The following KIF6 variants were observed in gnomAD, a reference collection of about 807,000 sequenced individuals.
KIF6 encodes kinesin-like protein KIF6.
KIF6 carries 106 observed loss-of-function variants against 112.7 expected under a neutral mutation model. The ratio of observed to expected loss-of-function variants is 0.94; its 90% CI spans 0.80 to 1.11. KIF6 has a LOEUF of 1.11. Among genes scored for constraint, KIF6 ranks in the 50% least tolerant of loss-of-function variants. The pLI is 0.00. For synonymous variants in KIF6, 339 were observed against 339.9 expected (o/e 1.00, Z 0.03); for missense variants, 929 against 964.0 (o/e 0.96, Z 0.48).
chr6:39,524,726 T>C (rs1777605055), intron 13 of KIF6, among the ~76,000 whole-genome samples: 1 of 152,198 alleles, frequency 6.6e-6, no homozygotes, highest in East Asian at 1.9e-4. Context: ...ACTGAGGCTG[T>C]TGTCAGCTGG....
chr6:39,413,982 C>A (rs1403731043), intron 15 of KIF6, among the ~76,000 whole-genome samples: 1 of 152,180 alleles, frequency 6.6e-6, no homozygotes, highest in Non-Finnish European at 1.5e-5. Flanking sequence ...ACTTTTAAAT[C>A]ATCTCTTTAC....
intron 3 of KIF6, among the ~76,000 whole-genome samples, chr6:39,643,323 T>C (rs528070541): frequency 6.6e-6 from 1 of 152,268 alleles, no homozygotes; most frequent in Admixed American, 6.5e-5. Context: ...AATATTCTTA[T>C]AAAATTTATA....
At chr6:39,374,957 A>G (rs1050612102) in intron 16 of KIF6, among the ~76,000 whole-genome samples, 10 of 152,246 alleles carry the variant, frequency 6.6e-5, no homozygotes, top group African/African-American at 1.9e-4. Context: ...TAGCCACGAC[A>G]TTGAATCAAC....
chr6:39,454,290 T>G (rs1772890809), intron 13 of KIF6, among the ~76,000 whole-genome samples: 1 of 151,586 alleles, frequency 6.6e-6, no homozygotes, highest in Non-Finnish European at 1.5e-5. Context: ...ATGGAAAAGA[T>G]GAAAGAGAGA....
intron 15 of KIF6, among the ~76,000 whole-genome samples, chr6:39,395,170 A>G (rs1768169741): frequency 1.3e-5 from 2 of 152,246 alleles, no homozygotes; most frequent in African/African-American, 4.8e-5. Flanking sequence ...GGGCTACCCA[A>G]GTAATCAAAA....
At chr6:39,502,618 C>T (rs1253547609) in intron 13 of KIF6, among the ~76,000 whole-genome samples, 1 of 152,148 alleles carries the variant, frequency 6.6e-6, no homozygotes, top group East Asian at 1.9e-4. Context: ...TGCAAAGACA[C>T]ATGCAGGCTC....
intron 13 of KIF6, among the ~76,000 whole-genome samples, chr6:39,494,341 T>C (rs973915677): frequency 1.3e-5 from 2 of 152,210 alleles, no homozygotes; most frequent in African/African-American, 4.8e-5. Context: ...AAGAAGTAGA[T>C]ACATCCTCTT....
chr6:39,580,980 G>C (rs1781255702), intron 9 of KIF6, among the ~76,000 whole-genome samples: 1 of 151,876 alleles, frequency 6.6e-6, no homozygotes, highest in African/African-American at 2.4e-5. Context: ...GTTCATGATA[G>C]TACATGTCAT....
intron 10 of KIF6, among the ~76,000 whole-genome samples, chr6:39,551,436 G>A (rs1262189398): frequency 6.6e-6 from 1 of 152,068 alleles, no homozygotes; most frequent in Non-Finnish European, 1.5e-5. Flanking sequence ...TGGCACAATG[G>A]GGTGACTATA....
At chr6:39,468,944 G>A (rs988246820) in intron 13 of KIF6, among the ~76,000 whole-genome samples, 1 of 152,056 alleles carries the variant, frequency 6.6e-6, no homozygotes, top group African/African-American at 2.4e-5. Context: ...TAGCACAAAG[G>A]AGGGGGTGGA....
chr6:39,587,688 T>C (rs1274946111), intron 7 of KIF6, among the ~76,000 whole-genome samples: 2 of 152,154 alleles, frequency 1.3e-5, no homozygotes, highest in African/African-American at 4.8e-5. Context: ...GACTATCTCA[T>C]GTCTCCATCA....
rs780087857 is a variant in KIF6 at position 39,714,786 on chromosome 6, A to G, written c.177-20T>C. On this transcript the variant is annotated intron_variant, in intron 2 of 22. Transcript: ENST00000287152. ...TGAAATCTGCAATGTGAAAAATAGT[A>G]ATTATTTAAAAGCTGCACCTCCAAA... 1 of 1,511,162 alleles carries G rather than the reference A, an allele frequency of 6.6e-7. No individual in the cohort carries two copies. The highest frequency in any genetic ancestry group is 1.1e-5 in the South Asian group (1 of 88,124). 93.6% of individuals were successfully genotyped at this position (1,511,162 alleles called of 1,614,324 possible). A position where few individuals can be genotyped will look rare whatever the true frequency, so the allele number is the denominator to read the frequency against.
intron 13 of KIF6, among the ~76,000 whole-genome samples, chr6:39,507,073 C>A (rs1048485132): frequency 3.3e-5 from 5 of 152,084 alleles, no homozygotes; most frequent in Non-Finnish European, 5.9e-5. Flanking sequence ...ATTATTGAAC[C>A]TGAGGAAAGG....
intron 3 of KIF6, among the ~76,000 whole-genome samples, chr6:39,651,892 A>T: frequency 6.6e-6 from 1 of 152,182 alleles, no homozygotes; most frequent in Non-Finnish European, 1.5e-5. Flanking sequence ...GGCTTGATTG[A>T]GATCACTCAT....
At chr6:39,545,733 T>C in intron 10 of KIF6, 45 bp from the exon 11 acceptor site, 1 of 1,233,654 alleles carries the variant, frequency 8.1e-7, no homozygotes, top group African/African-American at 1.5e-5. Context: ...GCTAGAAGCT[T>C]TAAAAATTCT....
chr6:39,579,395 C>G (rs538152701), intron 9 of KIF6, among the ~76,000 whole-genome samples: 1 of 152,112 alleles, frequency 6.6e-6, no homozygotes, highest in African/African-American at 2.4e-5. Context: ...TTATTTATTC[C>G]CATTCTTGTC....
At chr6:39,619,362 A>T (rs6937360) in intron 5 of KIF6, among the ~76,000 whole-genome samples, 9,654 of 152,242 alleles carry the variant, frequency 0.063, 1,022 homozygotes, top group African/African-American at 0.22. Context: ...ATTCCCAAAG[A>T]TCTTAACCAA....
intron 13 of KIF6, among the ~76,000 whole-genome samples, chr6:39,432,393 A>G (rs1771227192): frequency 6.6e-6 from 1 of 152,172 alleles, no homozygotes; most frequent in South Asian, 2.1e-4. Context: ...AGAGGCTTTC[A>G]TATGGGCCAC....
Position 39,615,169 on chromosome 6 carries a change from T to A in KIF6, c.510-1851A>T, listed in dbSNP as rs546652931. ...GTCTGGGAGACGGAGCGAGGCCTTT[T>A]CTAAAAAAAAAAAAATAACTACATA... On this transcript the variant is annotated intron_variant, in intron 5 of 22. Coordinates refer to ENST00000287152, the MANE Select transcript of KIF6 (RefSeq NM_145027.6). 7.6e-4 allele frequency among the ~76,000 whole-genome samples: 114 copies of A among 149,316 alleles called. No individual in the cohort carries two copies. In the Middle Eastern group the frequency reaches 0.01, roughly 13 times the overall value.
Sources: allele counts gnomAD v4.1 joint callset (sites outside exome capture counted in the v4.1 genomes callset), GRCh38; gene constraint gnomAD v4.1.1; transcripts MANE v1.5; gene names NCBI Gene and HGNC (gene_info 2026-07-23, HGNC 2026-07-21).